The following ZMYND11 variants were observed in gnomAD, a reference collection of about 807,000 sequenced individuals.
The protein encoded by ZMYND11 is zinc finger MYND-type containing 11.
In ZMYND11, 9 loss-of-function variants were observed where a neutral mutation model predicts 84.9. The observed-to-expected ratio is 0.11, with a 90% confidence interval of 0.06 to 0.18. ZMYND11 has a LOEUF of 0.18. ZMYND11 is among the 10% of genes least tolerant of loss of function. The pLI, the probability that ZMYND11 is intolerant of heterozygous loss-of-function variation, is 1.00. For synonymous variants in ZMYND11, 250 were observed against 244.1 expected (o/e 1.02, Z -0.23); for missense variants, 409 against 761.0 (o/e 0.54, Z 5.44).
At chr10:177,448 T>C (rs1046338637) in intron 1 of ZMYND11, among the ~76,000 whole-genome samples, 6 of 152,224 alleles carry the variant, frequency 3.9e-5, no homozygotes, top group African/African-American at 1.4e-4. Context: ...TCTTTGATTT[T>C]TAACTTCACA....
chr10:233,703 A>T (rs1003485604), intron 4 of ZMYND11, among the ~76,000 whole-genome samples: 2 of 152,202 alleles, frequency 1.3e-5, no homozygotes, highest in Admixed American at 6.5e-5. Flanking sequence ...TTTTGACTGC[A>T]CTCAGAAGGA....
intron 3 of ZMYND11, among the ~76,000 whole-genome samples, chr10:215,566 T>G (rs958510964): frequency 6.6e-6 from 1 of 151,918 alleles, no homozygotes; most frequent in South Asian, 2.1e-4. Context: ...TTTTTGTTTT[T>G]TTTTTTTTTG....
intron 2 of ZMYND11, among the ~76,000 whole-genome samples, chr10:184,258 A>C (rs1458674530): frequency 6.6e-6 from 1 of 152,104 alleles, no homozygotes; most frequent in Non-Finnish European, 1.5e-5. Flanking sequence ...AAAATCTTAA[A>C]TATTCTATAT....
In ZMYND11 at chr10:248,465, C is replaced by T. The variant is rs1168871965; in HGVS notation, c.1357C>T (p.Arg453Trp). 8 of 1,614,040 alleles carry T rather than the reference C, an allele frequency of 5.0e-6. No homozygotes were observed. The highest frequency in any genetic ancestry group is 1.7e-5 in the Admixed American group (1 of 59,996). Residue 453 changes from arginine (R) to tryptophan (W), a missense_variant, in exon 13 of 15, where the codon CGG (arginine) becomes TGG (tryptophan). Physicochemically the swap from Arg to Trp is moderately radical, Grantham distance 101. Transcript: ENST00000381604. ...LSASSPRMLH[R>W]STQTTNDGVC... Reference sequence around the variant, plus strand: ...TGCCTCTTCACCAAGAATGCTGCATCGGAGCACCCAGACCACAAACGACGG... The same window carrying T: ...TGCCTCTTCACCAAGAATGCTGCATTGGAGCACCCAGACCACAAACGACGG...
intron 1 of ZMYND11, among the ~76,000 whole-genome samples, chr10:178,595 A>G (rs759255824): frequency 6.6e-5 from 10 of 152,154 alleles, no homozygotes; most frequent in Non-Finnish European, 1.3e-4. Context: ...TAATTTTTAT[A>G]TTTTCATTAT....
chr10:193,975 A>G (rs1448002595), intron 2 of ZMYND11, among the ~76,000 whole-genome samples: 2 of 151,860 alleles, frequency 1.3e-5, no homozygotes, highest in Admixed American at 1.3e-4. Context: ...TACTGGAGGG[A>G]TATTTGGGGT....
intron 1 of ZMYND11, among the ~76,000 whole-genome samples, chr10:163,062 A>G (rs769555533): frequency 2.0e-4 from 31 of 152,266 alleles, no homozygotes; most frequent in Admixed American, 6.5e-4. Context: ...AAGGTGCATA[A>G]ATTTTTTTAA....
Position 242,145 on chromosome 10 carries a change from TTGTGATCCCA to T in ZMYND11, c.950+10_950+19del, listed in dbSNP as rs745493742. 6.2e-7 allele frequency: 1 copy of T among 1,614,118 alleles called. No homozygotes were observed. The highest frequency in any genetic ancestry group is 1.1e-5 in the South Asian group (1 of 91,080). On this transcript the variant is annotated splice_region_variant and intron_variant, in intron 10 of 14. Coordinates refer to ENST00000381604, the MANE Select transcript of ZMYND11 (RefSeq NM_001370100.5). ...TTTGGCCACCACCACCAGAGGTAAT[TTGTGATCCCA>T]TGTTCAGCGGTCACAGCTGTGCTTA...
In ZMYND11 at chr10:240,984, T is replaced by G; in HGVS notation, c.831+14T>G. 1 of 1,604,202 alleles carries G rather than the reference T, an allele frequency of 6.2e-7. No homozygotes were observed. Among genetic ancestry groups the G allele is most frequent in the Non-Finnish European group, 8.5e-7 (1 of 1,171,826 alleles). On this transcript the variant is annotated intron_variant, in intron 9 of 14. Coordinates refer to ENST00000381604, the MANE Select transcript of ZMYND11 (RefSeq NM_001370100.5). Reference sequence around the variant, plus strand: ...TGTTATCCTTGTGTATGTGAAATTTTTACCTCAAGTGTGTAACATACAGCT... The same window carrying G: ...TGTTATCCTTGTGTATGTGAAATTTGTACCTCAAGTGTGTAACATACAGCT...
intron 1 of ZMYND11, among the ~76,000 whole-genome samples, chr10:177,439 C>CT (rs1275280700): frequency 1.3e-5 from 2 of 152,230 alleles, no homozygotes; most frequent in East Asian, 3.9e-4. Flanking sequence ...TTCTCAAAAT[C>CT]TTTGATTTTT....
intron 1 of ZMYND11, among the ~76,000 whole-genome samples, chr10:167,423 A>G (rs1237155733): frequency 2.0e-5 from 3 of 152,170 alleles, no homozygotes; most frequent in Non-Finnish European, 4.4e-5. Flanking sequence ...GTTTTGTCAA[A>G]TTGAAAAGTC....
chr10:241,937 A>G lies in ZMYND11; in HGVS notation c.832-84A>G, dbSNP rs925462681. On this transcript the variant is annotated intron_variant, in intron 9 of 14. Coordinates refer to ENST00000381604, the MANE Select transcript of ZMYND11 (RefSeq NM_001370100.5). ...AGAAATATTTTAGAAATAATGGATT[A>G]TATGTGACTAGTTTAATATTAATGG... is the stretch of plus-strand genomic sequence containing the variant. 10 of 1,472,930 alleles carry G rather than the reference A, an allele frequency of 6.8e-6. No individual in the cohort carries two copies. The African/African-American group carries it at 1.1e-4, about 17-fold the overall frequency. The allele number at this position is 1,472,930 out of a possible 1,614,324, so 91.2% of individuals were successfully genotyped here.
Position 232,871 on chromosome 10 carries a change from C to G in ZMYND11, c.439-3967C>G, listed in dbSNP as rs74369402. On this transcript the variant is annotated intron_variant, in intron 4 of 14. Coordinates refer to ENST00000381604, the MANE Select transcript of ZMYND11 (RefSeq NM_001370100.5). ...GCATATAAATGAGAGAAGTATTCCTCTTTGTGCAGTAAAGTCGATTGAGAG... is the reference window on the plus strand; with the variant it reads ...GCATATAAATGAGAGAAGTATTCCTGTTTGTGCAGTAAAGTCGATTGAGAG... Among the ~76,000 whole-genome samples, 456 of 152,300 alleles carry G rather than the reference C, an allele frequency of 3.0e-3. No individual in the cohort carries two copies. The Middle Eastern group carries it at 0.031, about 10-fold the overall frequency.
intron 3 of ZMYND11, among the ~76,000 whole-genome samples, chr10:214,192 T>C (rs1053824898): frequency 2.6e-5 from 4 of 152,202 alleles, no homozygotes; most frequent in Non-Finnish European, 5.9e-5. Context: ...TAAGCATCTT[T>C]GTGGTAATGT....
rs1347411834 is a variant in ZMYND11 at position 185,822 on chromosome 10, A to AC, written c.116+5694_116+5695insC. ...GAGTGAAACTCCGTCTCAAAAAAAC[A>AC]AAAAAACAAAAAAACAAAAAAAAAG... On this transcript the variant is annotated intron_variant, in intron 2 of 14. Coordinates refer to ENST00000381604, the MANE Select transcript of ZMYND11 (RefSeq NM_001370100.5). 2.6e-4 allele frequency among the ~76,000 whole-genome samples: 38 copies of AC among 147,720 alleles called. 1 individual carries two copies. Among genetic ancestry groups the AC allele is most frequent in the Non-Finnish European group, 3.7e-4 (25 of 67,074 alleles).
chr10:143,633 A>G (rs1261652520), intron 1 of ZMYND11, among the ~76,000 whole-genome samples: 1 of 152,182 alleles, frequency 6.6e-6, no homozygotes, highest in Admixed American at 6.5e-5. Flanking sequence ...TAAATTATAG[A>G]GGATATAAGT....
intron 1 of ZMYND11, among the ~76,000 whole-genome samples, chr10:146,495 A>G (rs185531348): frequency 2.0e-5 from 3 of 152,234 alleles, no homozygotes; most frequent in Non-Finnish European, 4.4e-5. Flanking sequence ...TTTCCAATCC[A>G]TGAACATGGG....
intron 1 of ZMYND11, among the ~76,000 whole-genome samples, chr10:168,664 A>G (rs184540915): frequency 6.6e-6 from 1 of 152,322 alleles, no homozygotes; most frequent in East Asian, 1.9e-4. Flanking sequence ...TAAAAAGCTG[A>G]ACAAGCAAAA....
chr10:219,715 T>C (rs1946793545), intron 3 of ZMYND11, among the ~76,000 whole-genome samples: 1 of 152,138 alleles, frequency 6.6e-6, no homozygotes, highest in Non-Finnish European at 1.5e-5. Flanking sequence ...TTTTGTGCCA[T>C]GTGCAATCAG....
Sources: gnomAD v4.1 joint callset for allele counts (sites outside exome capture counted in the v4.1 genomes callset) on GRCh38, gnomAD v4.1.1 for gene constraint, MANE v1.5 for transcripts, NCBI Gene and HGNC (gene_info 2026-07-23, HGNC 2026-07-21) for gene names.